MYH7B: variants seen among roughly 807,000 people sequenced by gnomAD.
The protein encoded by MYH7B is myosin-7B.
In MYH7B, 205 loss-of-function variants were observed where a neutral mutation model predicts 234.5. The observed-to-expected ratio is 0.87, with a 90% CI of 0.78 to 0.98. MYH7B has a LOEUF of 0.98. Ranked by LOEUF, MYH7B falls within the 50% of genes least tolerant of loss-of-function variation. MYH7B has a pLI of 0.00. For synonymous variants in MYH7B, 1,193 were observed against 1,105.0 expected, an observed-to-expected ratio of 1.08 and a Z score of -1.58; for missense variants, 2,652 against 2,633.4, an observed-to-expected ratio of 1.01 and a Z score of -0.15.
chr20:34,999,819 C>T lies in MYH7B; in HGVS notation c.4694C>T (p.Thr1565Met), dbSNP rs750726229. 5.0e-5 allele frequency: 80 copies of T among 1,610,896 alleles called. 1 individual carries two copies. The highest frequency in any genetic ancestry group is 4.9e-4 in the South Asian group (45 of 90,968). ...GCCCTGGAGCTGGAGGAGACCAAGA[C>T]GCTGCGGATCCAGCTGGAGCTCTCC... The change falls in exon 38 of 45, where the codon ACG (threonine) becomes ATG (methionine). Residue 1565 changes from threonine to methionine, a missense_variant. Thr to Met is a moderately conservative substitution (Grantham distance 81). Coordinates refer to ENST00000262873, the Ensembl canonical transcript of MYH7B.
chr20:34,959,078 T>C (rs1444462591), intron 2 of MYH7B, among the ~76,000 whole-genome samples: 1 of 152,222 alleles, frequency 6.6e-6, no homozygotes, highest in African/African-American at 2.4e-5. Flanking sequence ...CGTATCTCCA[T>C]TGGGTGAATA....
At chr20:34,972,950 T>C (rs1197609777) in intron 2 of MYH7B, among the ~76,000 whole-genome samples, 1 of 152,146 alleles carries the variant, frequency 6.6e-6, no homozygotes, top group African/African-American at 2.4e-5. Context: ...TTTAAAAATA[T>C]TTTTTTGTAG....
At chr20:34,985,220 T>C (rs1429071727) in intron 13 of MYH7B, 91 bp downstream of exon 13, 1 of 1,256,300 alleles carries the variant, frequency 8.0e-7, no homozygotes, top group Non-Finnish European at 1.2e-6. Flanking sequence ...TCTGGGCTCC[T>C]GCCTGCTCTG....
At chr20:34,971,761 T>G (rs1297016283) in intron 2 of MYH7B, among the ~76,000 whole-genome samples, 1 of 152,214 alleles carries the variant, frequency 6.6e-6, no homozygotes, top group Admixed American at 6.5e-5. Flanking sequence ...CTGACCACAC[T>G]GTCAAATTCC....
At chr20:34,980,895 C>T in intron 8 of MYH7B, 138 bp from the exon 9 acceptor site, 1 of 1,482,158 alleles carries the variant, frequency 6.7e-7, no homozygotes, top group Admixed American at 1.8e-5. Context: ...CTGACCTCCA[C>T]TAGGGACAGC....
chr20:35,001,911 C>T (rs2082394918), intron 43 of MYH7B, 37 bp from the exon 44 acceptor site: 1 of 1,595,276 alleles, frequency 6.3e-7, no homozygotes, highest in East Asian at 2.2e-5. Flanking sequence ...GCATCTCAGT[C>T]ACCCAAGCGG....
chr20:34,984,650 C>A (rs368976165), intron 10 of MYH7B, 42 bp from the exon 11 acceptor site: 3 of 1,593,962 alleles, frequency 1.9e-6, no homozygotes, highest in Admixed American at 3.7e-5. Context: ...CCTTCCCCAC[C>A]GGAGGCCTGG....
intron 26 of MYH7B, 100 bp from the exon 27 acceptor site, chr20:34,994,046 T>G: frequency 4.1e-6 from 6 of 1,475,114 alleles, no homozygotes; most frequent in Non-Finnish European, 5.6e-6. Flanking sequence ...AGCTACTCCA[T>G]GAGGCTGCTG....
chr20:34,971,107 G>A (rs2081789791), intron 2 of MYH7B, among the ~76,000 whole-genome samples: 1 of 152,154 alleles, frequency 6.6e-6, no homozygotes, highest in Non-Finnish European at 1.5e-5. Flanking sequence ...TGTGCTCGGG[G>A]AGGCCTCAAG....
At position 34,977,960 on chromosome 20, in the gene MYH7B, C is replaced by A; in HGVS notation, c.-46C>A. The A allele has an allele frequency of 6.2e-7, 1 of 1,613,968 alleles. No individual in the cohort carries two copies. Among genetic ancestry groups the A allele is most frequent in the Non-Finnish European group, 8.5e-7 (1 of 1,180,006 alleles). ...GCCTGCTGCCTTGGGCCGCCTTGAA[C>A]CTCCAGGGTTTCCAGCTCCTCCTCC... is the stretch of plus-strand genomic sequence containing the variant. On this transcript the variant is annotated 5_prime_UTR_variant, in exon 5 of 45. Coordinates refer to ENST00000262873, the Ensembl canonical transcript of MYH7B.
intron 14 of MYH7B, 86 bp from the exon 15 acceptor site, chr20:34,986,800 C>A: frequency 1.7e-6 from 2 of 1,144,466 alleles, no homozygotes; most frequent in African/African-American, 1.5e-5. Flanking sequence ...GGCTTGCCCC[C>A]GCAGGACCCC....
At chr20:34,982,353 C>A in intron 9 of MYH7B, 106 bp from the exon 10 acceptor site, 2 of 917,658 alleles carry the variant, frequency 2.2e-6, no homozygotes, top group Non-Finnish European at 1.7e-6. Flanking sequence ...GGGTTTCAAG[C>A]TGGGGGGAAG....
rs543720114 is a variant in MYH7B at position 34,983,844 on chromosome 20, T to C, written c.625-848T>C. Among the ~76,000 whole-genome samples the C allele has an allele frequency of 9.2e-5, 14 of 152,282 alleles. No homozygotes were observed. In the South Asian group the frequency reaches 2.9e-3, roughly 32 times the overall value. On this transcript the variant is annotated intron_variant, in intron 10 of 44. Coordinates refer to ENST00000262873, the Ensembl canonical transcript of MYH7B. The stretch of plus-strand genomic sequence containing the variant: ...TGAATGACCACAAAGTCCGTGGTGG[T>C]ATATCTGTTCCCTCCAGAATCCATT...
chr20:34,980,878 A>C, intron 8 of MYH7B, 144 bp downstream of exon 8: 1 of 1,481,372 alleles, frequency 6.8e-7, no homozygotes, highest in Non-Finnish European at 9.3e-7. Flanking sequence ...GTCCCTCCGC[A>C]TGGGAGCTGA....
intron 27 of MYH7B, 104 bp from the exon 28 acceptor site, chr20:34,995,229 CCAA>C (rs908390340): frequency 9.5e-7 from 1 of 1,057,076 alleles, no homozygotes; most frequent in Non-Finnish European, 1.3e-6. Context: ...CAGAGCACAG[CCAA>C]ACTTTGCTAC....
intron 5 of MYH7B, among the ~76,000 whole-genome samples, chr20:34,978,427 C>T (rs747642283): frequency 7.2e-5 from 11 of 152,160 alleles, no homozygotes; most frequent in Non-Finnish European, 1.3e-4. Flanking sequence ...AGGCTGCCTC[C>T]GCGTGTCCAC....
exon 43 of MYH7B, chr20:35,001,458 C>G: frequency 3.7e-6 from 6 of 1,606,804 alleles, no homozygotes; most frequent in Non-Finnish European, 5.1e-6. Context: ...GAACCTGGCT[C>G]GCATGCAGGA....
At chr20:34,957,843 A>C (rs901586019) in intron 1 of MYH7B, among the ~76,000 whole-genome samples, 1 of 152,204 alleles carries the variant, frequency 6.6e-6, no homozygotes, top group African/African-American at 2.4e-5. Flanking sequence ...GGACAGGCTG[A>C]GTCCTCCAGT....
At chr20:34,988,520 A>G (rs1042136795) in intron 19 of MYH7B, among the ~76,000 whole-genome samples, 1 of 152,034 alleles carries the variant, frequency 6.6e-6, no homozygotes, top group Non-Finnish European at 1.5e-5. Flanking sequence ...GAATGCATGC[A>G]TCCCAGTACT....
Sources: allele counts gnomAD v4.1 joint callset (sites outside exome capture counted in the v4.1 genomes callset), GRCh38; gene constraint gnomAD v4.1.1; transcripts MANE v1.5; gene names NCBI Gene and HGNC (gene_info 2026-07-23, HGNC 2026-07-21).